AGBL1: variants seen among roughly 807,000 people sequenced by gnomAD.
AGBL1 encodes cytosolic carboxypeptidase 4.
In AGBL1, 130 loss-of-function variants were observed where a neutral mutation model predicts 118.9. The ratio of observed to expected loss-of-function variants is 1.09; its 90% CI spans 0.95 to 1.26. AGBL1 has a LOEUF of 1.26. Ranked by LOEUF, AGBL1 falls within the 50% of genes most tolerant of loss-of-function variation. AGBL1 has a pLI of 0.00. For synonymous variants in AGBL1, 555 were observed against 478.9 expected, an observed-to-expected ratio of 1.16 and a Z score of -2.08; for missense variants, 1,584 against 1,298.1, an observed-to-expected ratio of 1.22 and a Z score of -3.38.
chr15:86,844,239 G>C (rs974229229), intron 22 of AGBL1, among the ~76,000 whole-genome samples: 3 of 152,178 alleles, frequency 2.0e-5, no homozygotes, highest in Non-Finnish European at 4.4e-5. Flanking sequence ...TTTACTAGCA[G>C]TGAAATTGTT....
chr15:86,678,466 G>GGTTAA (rs1217158684), intron 22 of AGBL1, among the ~76,000 whole-genome samples: 1 of 151,862 alleles, frequency 6.6e-6, no homozygotes, highest in Non-Finnish European at 1.5e-5. Flanking sequence ...ACGTCTTTGT[G>GGTTAA]CATTATTCTG....
chr15:86,925,350 CT>C (rs1181786619), intron 23 of AGBL1, among the ~76,000 whole-genome samples: 3 of 152,116 alleles, frequency 2.0e-5, no homozygotes, highest in African/African-American at 7.2e-5. Context: ...CATGCTGATA[CT>C]GCTGGTCCAA....
At chr15:86,986,384 A>G (rs1182213531) in intron 23 of AGBL1, among the ~76,000 whole-genome samples, 1 of 152,172 alleles carries the variant, frequency 6.6e-6, no homozygotes, top group East Asian at 1.9e-4. Flanking sequence ...TTACACACAC[A>G]TATACACACA....
At chr15:86,736,763 C>T (rs2077606652) in intron 22 of AGBL1, among the ~76,000 whole-genome samples, 1 of 152,114 alleles carries the variant, frequency 6.6e-6, no homozygotes, top group Non-Finnish European at 1.5e-5. Flanking sequence ...TATAAACAGG[C>T]CTGCGACATT....
intron 5 of AGBL1, among the ~76,000 whole-genome samples, chr15:86,198,580 G>T (rs2077852929): frequency 6.6e-6 from 1 of 152,140 alleles, no homozygotes; most frequent in Admixed American, 6.5e-5. Context: ...AGAGTCTTTA[G>T]GAGGTAATTA....
At chr15:86,742,955 G>A (rs1024439816) in intron 22 of AGBL1, among the ~76,000 whole-genome samples, 8 of 152,048 alleles carry the variant, frequency 5.3e-5, no homozygotes, top group Non-Finnish European at 8.8e-5. Flanking sequence ...TTCTGTGGAC[G>A]CTGTGGGGGT....
chr15:86,317,748 C>T (rs184976916), intron 17 of AGBL1, among the ~76,000 whole-genome samples: 2 of 152,302 alleles, frequency 1.3e-5, no homozygotes, highest in East Asian at 3.9e-4. Context: ...CTACTGAGCT[C>T]TGACTTTGTC....
At chr15:86,947,284 C>G (rs2080836544) in intron 23 of AGBL1, among the ~76,000 whole-genome samples, 1 of 152,166 alleles carries the variant, frequency 6.6e-6, no homozygotes, top group African/African-American at 2.4e-5. Context: ...GGGACAGTTA[C>G]TCACATGAGC....
intron 17 of AGBL1, among the ~76,000 whole-genome samples, chr15:86,317,766 A>G (rs1208056300): frequency 6.6e-6 from 1 of 152,262 alleles, no homozygotes; most frequent in Non-Finnish European, 1.5e-5. Context: ...GTCACACAAA[A>G]GCAGACATAG....
At chr15:86,976,671 C>G (rs1051584101) in intron 23 of AGBL1, among the ~76,000 whole-genome samples, 1 of 151,862 alleles carries the variant, frequency 6.6e-6, no homozygotes, top group Admixed American at 6.6e-5. Context: ...CCCAGCTCAA[C>G]AATATTATTC....
At chr15:86,211,663 C>G (rs1291833070) in intron 5 of AGBL1, among the ~76,000 whole-genome samples, 1 of 152,208 alleles carries the variant, frequency 6.6e-6, no homozygotes, top group Admixed American at 6.5e-5. Flanking sequence ...GGGATATAAT[C>G]TCCTGGTGTG....
chr15:86,461,497 C>T (rs1359417888), intron 18 of AGBL1, among the ~76,000 whole-genome samples: 3 of 152,092 alleles, frequency 2.0e-5, no homozygotes, highest in Non-Finnish European at 4.4e-5. Flanking sequence ...AGCACACATA[C>T]CATGCAGATA....
chr15:86,321,584 C>A (rs1374606219), intron 17 of AGBL1, among the ~76,000 whole-genome samples: 1 of 150,286 alleles, frequency 6.7e-6, no homozygotes, highest in Admixed American at 6.6e-5. Context: ...GGCTGACCGA[C>A]ATGGCAAAAA....
chr15:86,209,597 T>G (rs1210953962), intron 5 of AGBL1, among the ~76,000 whole-genome samples: 1 of 152,204 alleles, frequency 6.6e-6, no homozygotes, highest in Non-Finnish European at 1.5e-5. Context: ...TGATCTTTGT[T>G]GGTTTAAAGT....
intron 22 of AGBL1, among the ~76,000 whole-genome samples, chr15:86,882,905 C>A (rs1367857049): frequency 6.6e-6 from 1 of 152,092 alleles, no homozygotes; most frequent in African/African-American, 2.4e-5. Context: ...CTAGAATTTT[C>A]TTACACTTAC....
intron 21 of AGBL1, among the ~76,000 whole-genome samples, chr15:86,667,297 C>A (rs929749314): frequency 6.6e-6 from 1 of 150,620 alleles, no homozygotes; most frequent in African/African-American, 2.4e-5. Context: ...TGGCTTGCTG[C>A]CCTGTTTATA....
chr15:86,310,281 T>C (rs1217192299), intron 17 of AGBL1, among the ~76,000 whole-genome samples: 1 of 152,238 alleles, frequency 6.6e-6, no homozygotes, highest in Non-Finnish European at 1.5e-5. Flanking sequence ...ATGCCTCTTG[T>C]TTAAAATTTT....
intron 4 of AGBL1, 91 bp from the exon 5 acceptor site, chr15:86,158,842 C>A: frequency 1.9e-6 from 2 of 1,074,598 alleles, no homozygotes; most frequent in Non-Finnish European, 2.8e-6. Flanking sequence ...ATCAAGTTGC[C>A]CCTTAAAGAT....
Position 86,157,527 on chromosome 15 carries a change from T to C in AGBL1, c.395-1406T>C, listed in dbSNP as rs1409864016. On this transcript the variant is annotated intron_variant, in intron 4 of 22. Transcript: ENST00000614907. Reference sequence around the variant, plus strand: ...AGAAGTCCTGGGATTTTCCTGTGGGTATGAGGAGGTGGCTATCTGATTCAT... The same window carrying C: ...AGAAGTCCTGGGATTTTCCTGTGGGCATGAGGAGGTGGCTATCTGATTCAT... Among the ~76,000 whole-genome samples, 4 of 152,120 alleles carry C rather than the reference T, an allele frequency of 2.6e-5. No homozygotes were observed. The East Asian group carries it at 7.7e-4, about 29-fold the overall frequency.
Sources: gnomAD v4.1 joint callset for allele counts (sites outside exome capture counted in the v4.1 genomes callset) on GRCh38, gnomAD v4.1.1 for gene constraint, MANE v1.5 for transcripts, NCBI Gene and HGNC (gene_info 2026-07-23, HGNC 2026-07-21) for gene names.